The following PARP10 variants were observed in gnomAD, a reference collection of about 807,000 sequenced individuals.
PARP10 encodes protein mono-ADP-ribosyltransferase PARP10.
PARP10 carries 56 observed loss-of-function variants against 82.4 expected under a neutral mutation model. That is an observed-to-expected ratio of 0.68 (90% CI 0.55 to 0.85). PARP10 has a LOEUF of 0.85. Ranked by LOEUF, PARP10 falls within the 40% of genes least tolerant of loss-of-function variation. The pLI, the probability that PARP10 is intolerant of heterozygous loss-of-function variation, is 0.00. For synonymous variants in PARP10, 576 were observed against 601.1 expected, an observed-to-expected ratio of 0.96 and a Z score of 0.61; for missense variants, 1,227 against 1,379.4, an observed-to-expected ratio of 0.89 and a Z score of 1.75.
chr8:144,002,359 G>C (rs1834208421), intron 1 of PARP10, among the ~76,000 whole-genome samples: 1 of 151,964 alleles, frequency 6.6e-6, no homozygotes, highest in African/African-American at 2.4e-5. Flanking sequence ...GAACAGCCTG[G>C]GCAATATAGT....
chr8:144,012,524 A>G, intron 1 of PARP10: 1 of 1,551,634 alleles, frequency 6.4e-7, no homozygotes, highest in Non-Finnish European at 8.7e-7. Context: ...GCATGTCTCT[A>G]CTCACCAATT....
At position 143,986,102 on chromosome 8, in the gene PARP10, C is replaced by T. The variant is rs1554749293; in HGVS notation, c.134G>A (p.Trp45Ter). 1 of 1,614,116 alleles carries T rather than the reference C, an allele frequency of 6.2e-7. No individual in the cohort carries two copies. Residue 45 changes from tryptophan to a stop codon, truncating the protein, a stop_gained, in exon 2 of 11, where the codon TGG (tryptophan) becomes TAG (stop). Transcript: ENST00000313028. LOFTEE classifies it high-confidence loss of function. ...GACGCCCCCACAGCCCAGTCTCTGCCAGCTCAACACAGGTCCCCCTCCAGA... is the reference window on the plus strand; with the variant it reads ...GACGCCCCCACAGCCCAGTCTCTGCTAGCTCAACACAGGTCCCCCTCCAGA... ...RRSGGGPVLS[W>*]QRLGCGGVLT...
rs1554749051 is a variant in PARP10 at position 143,985,421 on chromosome 8, G to A, written c.664C>T (p.Gln222Ter). Residue 222 changes from glutamine (Q) to a stop codon, truncating the protein, a stop_gained, in exon 4 of 11, where the codon CAG (glutamine) becomes TAG (stop). Coordinates refer to ENST00000313028, the MANE Select transcript of PARP10 (RefSeq NM_032789.5). LOFTEE classifies it high-confidence loss of function. ...GCCCAGCCCCACTCACCTTGCCACT[G>A]CTGGAAGGAGGCAACAGTGCCCAGG... is the stretch of plus-strand genomic sequence containing the variant. ...GPLGTVASFQ[Q>*]WQVAERVLQQ... 6.2e-7 allele frequency: 1 copy of A among 1,609,528 alleles called. No homozygotes were observed. The highest frequency in any genetic ancestry group is 8.5e-7 in the Non-Finnish European group (1 of 1,177,974).
At chr8:144,004,566 A>G (rs1554751937) in intron 1 of PARP10, among the ~76,000 whole-genome samples, 2 of 152,146 alleles carry the variant, frequency 1.3e-5, no homozygotes, top group African/African-American at 4.8e-5. Context: ...GCTAGATTTA[A>G]ACACCACTCC....
chr8:143,979,991 G>T (rs1554747308), intron 9 of PARP10, among the ~76,000 whole-genome samples: 12 of 106,158 alleles, frequency 1.1e-4, no homozygotes, highest in African/African-American at 1.5e-4. Context: ...CAGCCTGAGT[G>T]ACAGAGCGAG....
intron 1 of PARP10, among the ~76,000 whole-genome samples, chr8:143,999,911 T>C (rs1834189634): frequency 6.6e-6 from 1 of 152,010 alleles, no homozygotes; most frequent in South Asian, 2.1e-4. Context: ...GAGAACAAAG[T>C]ATAAGAGAAT....
At chr8:143,992,283 G>T, upstream of PARP10, 1 of 1,595,148 alleles carries the variant, frequency 6.3e-7, no homozygotes, top group Non-Finnish European at 8.6e-7. Context: ...TGGTGGGGAT[G>T]ATCGCCAGCT....
upstream of PARP10, chr8:143,991,317 TA>T (rs1226327839): frequency 7.2e-7 from 1 of 1,379,726 alleles, no homozygotes; most frequent in Non-Finnish European, 9.9e-7. Context: ...CATGCCCCCC[TA>T]TGCTCAGCCT....
At chr8:143,982,380 A>G (rs953109995) in intron 9 of PARP10, among the ~76,000 whole-genome samples, 2 of 152,168 alleles carry the variant, frequency 1.3e-5, no homozygotes, top group Non-Finnish European at 2.9e-5. Context: ...AGGCTGAGGC[A>G]GGAGAATGGC....
At chr8:143,981,146 C>T (rs1423491758) in intron 9 of PARP10, among the ~76,000 whole-genome samples, 1 of 150,582 alleles carries the variant, frequency 6.6e-6, no homozygotes, top group African/African-American at 2.5e-5. Context: ...ACCGGAAGAA[C>T]CAAGTACGTA....
chr8:143,991,849 CG>C (rs1564257660), upstream of PARP10: 1 of 1,608,840 alleles, frequency 6.2e-7, no homozygotes, highest in Non-Finnish European at 8.5e-7. Flanking sequence ...TGGCTCCCAG[CG>C]GATGACTCTG....
upstream of PARP10, among the ~76,000 whole-genome samples, chr8:143,994,254 TGTG>T (rs1834144782): frequency 6.6e-6 from 1 of 152,158 alleles, no homozygotes; most frequent in Non-Finnish European, 1.5e-5. Context: ...GCACCGCAGT[TGTG>T]GGGTGCCCAG....
upstream of PARP10, chr8:143,991,398 C>A: frequency 8.4e-7 from 1 of 1,195,426 alleles, no homozygotes; most frequent in Non-Finnish European, 1.2e-6. Context: ...AGGGTACCCC[C>A]ATGGCCCCAG....
chr8:143,985,195 C>T lies in PARP10; in HGVS notation c.807G>A (p.Gly269=). The change falls in exon 5 of 11, where the codon GGG becomes GGA. Residue 269 remains glycine (G), a synonymous_variant. Transcript: ENST00000313028. ...GGAGAGCATGCTTGGTAGCCCTAGG[C>T]CCCTGGGTGGACGGGTGGTCCCCTC... is the stretch of plus-strand genomic sequence containing the variant. The part of the protein sequence containing the change: ...TSGGDHPSTQ[G]PRATKHALLR... 3 of 1,614,138 alleles carry T rather than the reference C, an allele frequency of 1.9e-6. No homozygotes were observed. Among genetic ancestry groups the T allele is most frequent in the Non-Finnish European group, 2.5e-6 (3 of 1,180,032 alleles).
Position 143,983,755 on chromosome 8 carries a change from A to G in PARP10, c.1834T>C (p.Trp612Arg), listed in dbSNP as rs1232699173. 3 of 1,612,416 alleles carry G rather than the reference A, an allele frequency of 1.9e-6. No individual in the cohort carries two copies. In the Admixed American group the frequency reaches 5.0e-5, roughly 27 times the overall value. ...TCCTCCTCCAGCTCCCGAGGCAGCCAGTCCTCCCCGTCTAGGTCTAGGCCC... is the reference window on the plus strand; with the variant it reads ...TCCTCCTCCAGCTCCCGAGGCAGCCGGTCCTCCCCGTCTAGGTCTAGGCCC... ...LEGLDLDGEDWLPRELEEEGP... is the reference protein window; with the variant it reads ...LEGLDLDGEDRLPRELEEEGP... The change falls in exon 8 of 11, where the codon TGG (tryptophan) becomes CGG (arginine). Residue 612 changes from tryptophan (W) to arginine (R), a missense_variant. By Grantham distance (101) the Trp-to-Arg change is moderately radical. Coordinates refer to ENST00000313028, the MANE Select transcript of PARP10 (RefSeq NM_032789.5).
intron 1 of PARP10, among the ~76,000 whole-genome samples, chr8:144,006,034 G>T (rs138028963): frequency 3.3e-3 from 501 of 152,314 alleles, no homozygotes; most frequent in African/African-American, 0.011. Flanking sequence ...CCTCATTCAG[G>T]CCTGTCAGAT....
chr8:143,991,191 C>A, upstream of PARP10: 1 of 1,511,366 alleles, frequency 6.6e-7, no homozygotes, highest in Non-Finnish European at 8.9e-7. Flanking sequence ...CCTTGTCTGT[C>A]TTCTCTAGGG....
intron 1 of PARP10, among the ~76,000 whole-genome samples, chr8:144,006,115 T>C (rs1554752073): frequency 6.6e-6 from 1 of 152,202 alleles, no homozygotes; most frequent in African/African-American, 2.4e-5. Flanking sequence ...CTTGGGCATT[T>C]CCTGGCAATA....
chr8:143,992,458 C>T, upstream of PARP10: 1 of 1,614,128 alleles, frequency 6.2e-7, no homozygotes, highest in Non-Finnish European at 8.5e-7. Flanking sequence ...TCCTCTCCCA[C>T]CTGCAGACCC....
Sources: gnomAD v4.1 joint callset for allele counts (sites outside exome capture counted in the v4.1 genomes callset) on GRCh38, gnomAD v4.1.1 for gene constraint, MANE v1.5 for transcripts, NCBI Gene and HGNC (gene_info 2026-07-23, HGNC 2026-07-21) for gene names.